Variants in MVB12B observed in about 807,000 individuals in gnomAD.
The protein encoded by MVB12B is multivesicular body subunit 12B, also known as ESCRT-I complex subunit MVB12B.
In MVB12B, 16 loss-of-function variants were observed where a neutral mutation model predicts 41.6. The observed-to-expected ratio is 0.38, with a 90% CI of 0.26 to 0.58. The LOEUF is 0.58. Ranked by LOEUF, MVB12B falls within the 20% of genes least tolerant of loss-of-function variation. MVB12B has a pLI of 0.62. For missense variants in MVB12B, 274 were observed against 380.2 expected, an observed-to-expected ratio of 0.72 and a Z score of 2.32; for synonymous variants, 133 against 139.7, an observed-to-expected ratio of 0.95 and a Z score of 0.34.
intron 2 of MVB12B, among the ~76,000 whole-genome samples, chr9:126,361,197 T>C (rs1315625610): frequency 6.6e-6 from 1 of 152,198 alleles, no homozygotes; most frequent in Non-Finnish European, 1.5e-5. Context: ...TTTTATTTCC[T>C]CTGTTGGCTT....
chr9:126,438,895 A>G (rs554026822), intron 7 of MVB12B, among the ~76,000 whole-genome samples: 1 of 151,898 alleles, frequency 6.6e-6, no homozygotes, highest in East Asian at 1.9e-4. Context: ...TTATCTTTCT[A>G]TTTTAAGTAG....
At chr9:126,370,379 CT>C (rs375770122) in intron 2 of MVB12B, among the ~76,000 whole-genome samples, 3,277 of 131,622 alleles carry the variant, frequency 0.025, 65 homozygotes, top group East Asian at 0.068. Context: ...GGGAGGGGCT[CT>C]TTTTTTTTTT....
intron 2 of MVB12B, among the ~76,000 whole-genome samples, chr9:126,380,675 C>A (rs1022466796): frequency 6.6e-6 from 1 of 152,172 alleles, no homozygotes; most frequent in African/African-American, 2.4e-5. Context: ...GCAGGCAGCG[C>A]CCCCTCAGGT....
rs76927691 is a variant in MVB12B, at chr9:126,423,066, C to T, written c.757+1118C>T. ...TGTGCTGTGGCTATTTCAGCAGAGTCGACAAGGAGCATAACAAGTGTGGAA... is the reference window on the plus strand; with the variant it reads ...TGTGCTGTGGCTATTTCAGCAGAGTTGACAAGGAGCATAACAAGTGTGGAA... On this transcript the variant is annotated intron_variant, in intron 7 of 9. Coordinates refer to ENST00000361171, the MANE Select transcript of MVB12B (RefSeq NM_033446.3). Among the ~76,000 whole-genome samples, 801 of 152,232 alleles carry T rather than the reference C, an allele frequency of 5.3e-3. 8 individuals are homozygous for T. Among genetic ancestry groups the T allele is most frequent in the African/African-American group, 0.018 (762 of 41,526 alleles).
intron 2 of MVB12B, among the ~76,000 whole-genome samples, chr9:126,341,756 C>T (rs1184276586): frequency 6.6e-6 from 1 of 152,226 alleles, no homozygotes; most frequent in African/African-American, 2.4e-5. Context: ...CCTGTCCCTC[C>T]TCCCCCAGTG....
intron 2 of MVB12B, among the ~76,000 whole-genome samples, chr9:126,360,090 A>C (rs1478843221): frequency 6.6e-6 from 1 of 152,190 alleles, no homozygotes; most frequent in Non-Finnish European, 1.5e-5. Flanking sequence ...ACTCTGAATT[A>C]GCTGCATCCC....
intron 6 of MVB12B, among the ~76,000 whole-genome samples, chr9:126,405,493 CT>C (rs539253629): frequency 8.6e-4 from 131 of 152,188 alleles, no homozygotes; most frequent in Non-Finnish European, 1.7e-3. Flanking sequence ...AGAGTGGAAG[CT>C]GACAGTCTAT....
Position 126,486,862 on chromosome 9 carries a change from C to T in MVB12B, c.873+2830C>T, listed in dbSNP as rs1248801714. Among the ~76,000 whole-genome samples, 2 of 152,104 alleles carry T rather than the reference C, an allele frequency of 1.3e-5. No homozygotes were observed. Among genetic ancestry groups the T allele is most frequent in the African/African-American group, 4.8e-5 (2 of 41,422 alleles). On this transcript the variant is annotated intron_variant, in intron 9 of 9. Coordinates refer to ENST00000361171, the MANE Select transcript of MVB12B (RefSeq NM_033446.3). The surrounding 1 kb of genome is among the most constrained non-coding windows in gnomAD (Gnocchi z 4.7). ...TGTCCTTCCAAGGGGGCTCTCTAGG[C>T]TGGTGGCCAGTCAGTCTAGTTCCTT... is the stretch of plus-strand genomic sequence containing the variant.
rs1831084459 is a variant in MVB12B at position 126,395,476 on chromosome 9, T to C, written c.540-99T>C. On this transcript the variant is annotated intron_variant, in intron 5 of 9. Transcript: ENST00000361171. The surrounding 1 kb of genome is among the most constrained non-coding windows in gnomAD (Gnocchi z 4.9). ...AGGGCAAGAATTGATTCCCTGGTGT[T>C]TGAGGCCATGACTCTTTTAAATGAA... 7.0e-7 allele frequency: 1 copy of C among 1,420,772 alleles called. No homozygotes were observed. The highest frequency in any genetic ancestry group is 1.4e-5 in the African/African-American group (1 of 70,402). The allele number at this position is 1,420,772 out of a possible 1,614,324, so 88.0% of individuals were successfully genotyped here. A position where few individuals can be genotyped will look rare whatever the true frequency, so the allele number is the denominator to read the frequency against.
chr9:126,488,512 G>T (rs1833668750), intron 9 of MVB12B, among the ~76,000 whole-genome samples: 1 of 152,282 alleles, frequency 6.6e-6, no homozygotes, highest in Middle Eastern at 3.4e-3. Context: ...AGGCTGCTCT[G>T]TGCTGGGCAG....
intron 2 of MVB12B, among the ~76,000 whole-genome samples, chr9:126,372,814 A>G (rs534377241): frequency 6.6e-6 from 1 of 152,330 alleles, no homozygotes; most frequent in East Asian, 1.9e-4. Context: ...ATCATCACAG[A>G]GGCTGTAGAG....
chr9:126,407,153 A>G (rs1046955294), intron 6 of MVB12B, among the ~76,000 whole-genome samples: 1 of 152,168 alleles, frequency 6.6e-6, no homozygotes, highest in African/African-American at 2.4e-5. Context: ...ATCTGAGCAA[A>G]TATCTAGCCC....
At chr9:126,449,017 A>G (rs1022708768) in intron 7 of MVB12B, among the ~76,000 whole-genome samples, 13 of 152,220 alleles carry the variant, frequency 8.5e-5, no homozygotes, top group African/African-American at 3.1e-4. Context: ...AAGGAAGGGC[A>G]GGGGTTTTAG....
intron 2 of MVB12B, among the ~76,000 whole-genome samples, chr9:126,356,135 TCTC>T (rs922877424): frequency 2.0e-5 from 3 of 152,226 alleles, no homozygotes; most frequent in South Asian, 2.1e-4. Context: ...TTTCCTTCCT[TCTC>T]CTCTTTTTCA....
At chr9:126,479,149 G>T (rs1213881477) in intron 7 of MVB12B, among the ~76,000 whole-genome samples, 2 of 152,056 alleles carry the variant, frequency 1.3e-5, no homozygotes, top group African/African-American at 2.4e-5. Flanking sequence ...CTTTACTGGG[G>T]AGGTCAAGTA....
intron 6 of MVB12B, among the ~76,000 whole-genome samples, chr9:126,409,492 A>C (rs1831560661): frequency 6.6e-6 from 1 of 152,002 alleles, no homozygotes; most frequent in Non-Finnish European, 1.5e-5. Flanking sequence ...GGGGGGGGAC[A>C]CAGAAAGCAC....
intron 2 of MVB12B, among the ~76,000 whole-genome samples, chr9:126,345,721 C>T (rs531160484): frequency 2.6e-5 from 4 of 152,328 alleles, no homozygotes; most frequent in South Asian, 2.1e-4. Flanking sequence ...AACCATTGAA[C>T]GGCTCACTTT....
At chr9:126,388,200 C>T (rs1009845643) in intron 4 of MVB12B, among the ~76,000 whole-genome samples, 5 of 152,120 alleles carry the variant, frequency 3.3e-5, no homozygotes, top group African/African-American at 1.2e-4. Flanking sequence ...CCCTCACCTC[C>T]CCACTCCCCG....
intron 2 of MVB12B, among the ~76,000 whole-genome samples, chr9:126,357,676 T>G (rs1399088314): frequency 6.6e-6 from 1 of 152,184 alleles, no homozygotes; most frequent in Non-Finnish European, 1.5e-5. Flanking sequence ...TGCTTTTCAC[T>G]GGGTTATTTG....
Sources: gnomAD v4.1 joint callset for allele counts (sites outside exome capture counted in the v4.1 genomes callset) on GRCh38, gnomAD v4.1.1 for gene constraint, Gnocchi (gnomAD v3.1) non-coding constraint, MANE v1.5 for transcripts, NCBI Gene and HGNC (gene_info 2026-07-23, HGNC 2026-07-21) for gene names.